The following IL18 variants were observed in gnomAD, a reference collection of about 807,000 sequenced individuals.
IL18 encodes the protein interleukin 18, also known as interleukin-18.
A neutral mutation model predicts 14.2 loss-of-function variants in IL18; 8 were observed. The ratio of observed to expected loss-of-function variants is 0.56; its 90% CI spans 0.33 to 1.01. IL18 has a LOEUF of 1.01. IL18 is among the 50% of genes least tolerant of loss of function. IL18 has a pLI of 0.03. For missense variants in IL18, 166 were observed against 231.1 expected, an observed-to-expected ratio of 0.72 and a Z score of 1.83; for synonymous variants, 67 against 71.0, an observed-to-expected ratio of 0.94 and a Z score of 0.28.
At position 112,163,505 on chromosome 11, in the gene IL18, C is replaced by T. The variant is rs367925193; in HGVS notation, c.-9+401G>A. On this transcript the variant is annotated intron_variant, in intron 1 of 5. Coordinates refer to ENST00000280357, the MANE Select transcript of IL18 (RefSeq NM_001562.4). The stretch of plus-strand genomic sequence containing the variant: ...GTGCAATATTGCAATAGTCTGAATG[C>T]AAAGCAGATGAGAATCCAGCAGATC... 1.6e-4 allele frequency among the ~76,000 whole-genome samples: 25 copies of T among 152,084 alleles called. 1 individual carries two copies. The South Asian group carries it at 4.4e-3, about 26-fold the overall frequency.
chr11:112,145,349 G>T (rs1345339231), intron 5 of IL18, among the ~76,000 whole-genome samples: 5 of 152,108 alleles, frequency 3.3e-5, no homozygotes, highest in Non-Finnish European at 7.4e-5. Context: ...CATCAATTTG[G>T]AACTAATCTG....
chr11:112,153,928 A>T (rs1447115532), intron 2 of IL18, among the ~76,000 whole-genome samples: 1 of 152,130 alleles, frequency 6.6e-6, no homozygotes, highest in East Asian at 1.9e-4. Context: ...ACGGAAAGTC[A>T]CCTAAGAAAA....
intron 1 of IL18, among the ~76,000 whole-genome samples, chr11:112,156,918 G>A (rs1866544525): frequency 6.6e-6 from 1 of 151,308 alleles, no homozygotes; most frequent in African/African-American, 2.4e-5. Context: ...TTTAAAGGAG[G>A]GGATAAGGAA....
At chr11:112,157,235 T>G (rs1263489886) in intron 1 of IL18, among the ~76,000 whole-genome samples, 1 of 152,212 alleles carries the variant, frequency 6.6e-6, no homozygotes, top group Non-Finnish European at 1.5e-5. Context: ...TAGCATGATC[T>G]TCTGTACATA....
At chr11:112,154,840 A>G (rs911777640) in intron 2 of IL18, 135 bp downstream of exon 2, 2 of 591,376 alleles carry the variant, frequency 3.4e-6, no homozygotes, top group Non-Finnish European at 6.0e-6. Context: ...GAGGTCCACT[A>G]TTTTTTTAAG....
chr11:112,149,045 G>A (rs1866389718), intron 4 of IL18, among the ~76,000 whole-genome samples: 4 of 151,866 alleles, frequency 2.6e-5, no homozygotes, highest in Admixed American at 2.6e-4. Flanking sequence ...TTGTTTGTTT[G>A]TTTGGGAGGC....
chr11:112,150,717 T>C (rs1341028429), intron 3 of IL18: 1 of 153,982 alleles, frequency 6.5e-6, no homozygotes, highest in Non-Finnish European at 1.4e-5. Context: ...TTCAAATCGG[T>C]GCCATTACAA....
At chr11:112,150,616 C>G (rs1866421244) in intron 3 of IL18, 1 of 155,568 alleles carries the variant, frequency 6.4e-6, no homozygotes, top group Non-Finnish European at 1.4e-5. Context: ...TACCATTTTG[C>G]CAGGATATTA....
At chr11:112,144,246 G>T (rs1866297837) in intron 5 of IL18, among the ~76,000 whole-genome samples, 1 of 151,988 alleles carries the variant, frequency 6.6e-6, no homozygotes, top group African/African-American at 2.4e-5. Context: ...TTTTCTTTTT[G>T]CTTTGAGACA....
chr11:112,159,019 T>C (rs1051844627), intron 1 of IL18, among the ~76,000 whole-genome samples: 5 of 59,170 alleles, frequency 8.5e-5, no homozygotes, highest in East Asian at 2.8e-4. Context: ...ATGGTCAAAT[T>C]TGTGTTTTAA....
chr11:112,151,821 G>A (rs1377870250), intron 3 of IL18, among the ~76,000 whole-genome samples: 2 of 152,076 alleles, frequency 1.3e-5, no homozygotes, highest in Admixed American at 6.5e-5. Flanking sequence ...CCTGGGAGTC[G>A]GTGGAATTCT....
chr11:112,153,281 C>T, intron 3 of IL18: 2 of 262,496 alleles, frequency 7.6e-6, no homozygotes, highest in Non-Finnish European at 1.4e-5. Flanking sequence ...CTATGCAACG[C>T]TCCCCCTACA....
chr11:112,146,008 G>T (rs1470063474), intron 5 of IL18, among the ~76,000 whole-genome samples: 1 of 148,654 alleles, frequency 6.7e-6, no homozygotes, highest in East Asian at 2.0e-4. Context: ...AAACTTGAGT[G>T]CTCCAAGGGG....
chr11:112,162,542 G>A (rs1053633278), intron 1 of IL18, among the ~76,000 whole-genome samples: 2 of 151,880 alleles, frequency 1.3e-5, no homozygotes, highest in African/African-American at 4.8e-5. Context: ...CAGGGTTTTT[G>A]CCATGTTGCC....
At chr11:112,153,418 T>C (rs1269601451) in intron 3 of IL18, 174 bp downstream of exon 3, 7 of 430,544 alleles carry the variant, frequency 1.6e-5, no homozygotes, top group African/African-American at 4.1e-5. Context: ...TTCTTCTTTG[T>C]ATCTCTTATG....
At position 112,159,324 on chromosome 11, in the gene IL18, C is replaced by G. The variant is rs1014357557; in HGVS notation, c.-8-4263G>C. Among the ~76,000 whole-genome samples the G allele has an allele frequency of 2.0e-5, 3 of 151,822 alleles. No individual in the cohort carries two copies. The East Asian group carries it at 5.8e-4, about 29-fold the overall frequency. On this transcript the variant is annotated intron_variant, in intron 1 of 5. Coordinates refer to ENST00000280357, the MANE Select transcript of IL18 (RefSeq NM_001562.4). ...TGCACTTCAGCCTGGGCAGCAAAAG[C>G]GAAACTCTGTCAACACCACCACCAC...
chr11:112,143,786 G>A lies in IL18; in HGVS notation c.392C>T (p.Thr131Ile), dbSNP rs749454902. 7 of 1,610,204 alleles carry A rather than the reference G, an allele frequency of 4.3e-6. No individual in the cohort carries two copies. In the East Asian group the frequency reaches 1.3e-4, roughly 31 times the overall value. The part of the protein sequence containing the change: ...EMNPPDNIKD[T>I]KSDIIFFQRS... The stretch of plus-strand genomic sequence containing the variant: ...CTGAAAGAATATGATGTCACTTTTT[G>A]TATCCTTGATGTTATCAGGAGGATT... The change falls in exon 6 of 6, where the codon ACA (threonine) becomes ATA (isoleucine). Residue 131 changes from threonine (T) to isoleucine (I), a missense_variant. Thr to Ile is a moderately conservative substitution (Grantham distance 89). Coordinates refer to ENST00000280357, the MANE Select transcript of IL18 (RefSeq NM_001562.4).
rs199498017 is a variant in IL18 at position 112,143,836 on chromosome 11, T to C, written c.361-19A>G. The C allele has an allele frequency of 4.2e-6, 6 of 1,415,728 alleles. No homozygotes were observed. The highest frequency in any genetic ancestry group is 5.9e-6 in the Non-Finnish European group (6 of 1,016,492). The allele number at this position is 1,415,728 out of a possible 1,614,324, so 87.7% of individuals were successfully genotyped here. On this transcript the variant is annotated intron_variant, in intron 5 of 5. Coordinates refer to ENST00000280357, the MANE Select transcript of IL18 (RefSeq NM_001562.4). ...TCATTTCCTATAGAGAAAAAAACAT[T>C]ACCTAATTATTTCAGGACATGAACA...
At chr11:112,144,869 ATGG>A (rs759800575) in intron 5 of IL18, among the ~76,000 whole-genome samples, 157 of 152,322 alleles carry the variant, frequency 1.0e-3, no homozygotes, top group Non-Finnish European at 1.8e-3. Context: ...CTTGTGAGAA[ATGG>A]TTAGATTACT....
Sources: gnomAD v4.1 joint callset for allele counts (sites outside exome capture counted in the v4.1 genomes callset) on GRCh38, gnomAD v4.1.1 for gene constraint, MANE v1.5 for transcripts, NCBI Gene and HGNC (gene_info 2026-07-23, HGNC 2026-07-21) for gene names.